FBXO8: variants seen among roughly 807,000 people sequenced by gnomAD.
The protein encoded by FBXO8 is F-box protein 8, also known as F-box only protein 8.
A neutral mutation model predicts 33.4 loss-of-function variants in FBXO8; 15 were observed. The ratio of observed to expected loss-of-function variants is 0.45; its 90% CI spans 0.30 to 0.69. The LOEUF is 0.69. Among genes scored for constraint, FBXO8 ranks in the 30% least tolerant of loss-of-function variants. The pLI is 0.08. For missense variants in FBXO8, 274 were observed against 380.3 expected (o/e 0.72, Z 2.32); for synonymous variants, 132 against 131.5 (o/e 1.00, Z -0.02).
chr4:174,279,505 C>T (rs540751861), intron 1 of FBXO8, among the ~76,000 whole-genome samples: 4 of 152,152 alleles, frequency 2.6e-5, no homozygotes, highest in African/African-American at 7.2e-5. Flanking sequence ...GAAAAAAATT[C>T]TAAAATCCAC....
rs915317520 is a variant in FBXO8, at chr4:174,275,297, C to T, written c.-9+8113G>A. 1.3e-5 allele frequency among the ~76,000 whole-genome samples: 2 copies of T among 152,082 alleles called. No homozygotes were observed. The highest frequency in any genetic ancestry group is 4.8e-5 in the African/African-American group (2 of 41,418). On this transcript the variant is annotated intron_variant, in intron 1 of 5. Transcript: ENST00000393674. The surrounding 1 kb of genome is among the most constrained non-coding windows in gnomAD (Gnocchi z 4.4). Reference sequence around the variant, plus strand: ...ACTATTTACTATCTTGACTATGGTGCTGGATATGTGAACTTGCACAGAACT... The same window carrying T: ...ACTATTTACTATCTTGACTATGGTGTTGGATATGTGAACTTGCACAGAACT...
intron 1 of FBXO8, among the ~76,000 whole-genome samples, chr4:174,273,032 G>A (rs1389799532): frequency 1.3e-5 from 2 of 152,156 alleles, no homozygotes; most frequent in African/African-American, 4.8e-5. Flanking sequence ...TGGGAATGGT[G>A]GCTCATGCCT....
rs1256996276 is a variant in FBXO8 at position 174,263,179 on chromosome 4, T to A, written c.-8-79A>T. The stretch of plus-strand genomic sequence containing the variant: ...TCCCAGTGGTATAACAAATCTGACA[T>A]GAAGCATTCATTTATCAGAATTAAA... On this transcript the variant is annotated intron_variant, in intron 1 of 5. Coordinates refer to ENST00000393674, the MANE Select transcript of FBXO8 (RefSeq NM_012180.3). This position sits in a 1 kb window ranked among gnomAD's most constrained non-coding sequence, Gnocchi z 4.2. 1 of 1,230,548 alleles carries A rather than the reference T, an allele frequency of 8.1e-7. No individual in the cohort carries two copies. Among genetic ancestry groups the A allele is most frequent in the Non-Finnish European group, 1.1e-6 (1 of 885,552 alleles). The allele number at this position is 1,230,548 out of a possible 1,614,324, so 76.2% of individuals were successfully genotyped here. A position where few individuals can be genotyped will look rare whatever the true frequency, so the allele number is the denominator to read the frequency against.
intron 1 of FBXO8, among the ~76,000 whole-genome samples, chr4:174,264,870 T>C (rs928002616): frequency 2.0e-5 from 3 of 148,448 alleles, no homozygotes; most frequent in South Asian, 4.2e-4. Context: ...GCAAAACACA[T>C]ATATGATAAA....
rs569101451 is a variant in FBXO8 at position 174,265,632 on chromosome 4, A to G, written c.-8-2532T>C. On this transcript the variant is annotated intron_variant, in intron 1 of 5. Transcript: ENST00000393674. This position sits in a 1 kb window ranked among gnomAD's most constrained non-coding sequence, Gnocchi z 4.7. ...AAAAAGTTCTTTACTGTATGATTCTAATTATAAGACATTCTGGAAAAGGCA... is the reference window on the plus strand; with the variant it reads ...AAAAAGTTCTTTACTGTATGATTCTGATTATAAGACATTCTGGAAAAGGCA... 6.6e-6 allele frequency among the ~76,000 whole-genome samples: 1 copy of G among 152,174 alleles called. No homozygotes were observed. The highest frequency in any genetic ancestry group is 2.4e-5 in the African/African-American group (1 of 41,460).
rs964927584 is a variant in FBXO8 at position 174,274,812 on chromosome 4, A to C, written c.-9+8598T>G. On this transcript the variant is annotated intron_variant, in intron 1 of 5. Transcript: ENST00000393674. This position sits in a 1 kb window ranked among gnomAD's most constrained non-coding sequence, Gnocchi z 4.0. ...TTTTACAAAAATTAACTCAAAATGG[A>C]CCATAGACTTAAACGTAAAACATAA... Among the ~76,000 whole-genome samples the C allele has an allele frequency of 3.9e-5, 6 of 152,230 alleles. No homozygotes were observed. Among genetic ancestry groups the C allele is most frequent in the South Asian group, 4.1e-4 (2 of 4,834 alleles).
chr4:174,258,749 C>T (rs1327574004), intron 3 of FBXO8, among the ~76,000 whole-genome samples: 4 of 151,808 alleles, frequency 2.6e-5, no homozygotes, highest in Non-Finnish European at 5.9e-5. Context: ...TTTTTATATG[C>T]ATACGTATAA....
At position 174,262,160 on chromosome 4, in the gene FBXO8, A is replaced by G. The variant is rs770717345; in HGVS notation, c.329+604T>C. Reference sequence around the variant, plus strand: ...TGTAATCTAAGTTCAGCAAGTAAATAAAAACAACTATTTGTCCCCTTGCTT... The same window carrying G: ...TGTAATCTAAGTTCAGCAAGTAAATGAAAACAACTATTTGTCCCCTTGCTT... On this transcript the variant is annotated intron_variant, in intron 2 of 5. Transcript: ENST00000393674. This position sits in a 1 kb window ranked among gnomAD's most constrained non-coding sequence, Gnocchi z 4.6. Among the ~76,000 whole-genome samples the G allele has an allele frequency of 2.6e-5, 4 of 152,178 alleles. No homozygotes were observed. Among genetic ancestry groups the G allele is most frequent in the Non-Finnish European group, 4.4e-5 (3 of 68,006 alleles).
rs1197794706 is a variant in FBXO8 at position 174,258,391 on chromosome 4, T to C, written c.456+1308A>G. Among the ~76,000 whole-genome samples, 6 of 152,312 alleles carry C rather than the reference T, an allele frequency of 3.9e-5. No homozygotes were observed. In the South Asian group the frequency reaches 1.0e-3, roughly 26 times the overall value. ...TCCATTTATTTGCCTTTCTGAAGAA[T>C]GATCATTTGATTCTAAAAAGCAATA... On this transcript the variant is annotated intron_variant, in intron 3 of 5. Coordinates refer to ENST00000393674, the MANE Select transcript of FBXO8 (RefSeq NM_012180.3).
chr4:174,244,498 A>T (rs892095462), intron 3 of FBXO8, among the ~76,000 whole-genome samples: 3 of 151,698 alleles, frequency 2.0e-5, no homozygotes, highest in Non-Finnish European at 4.4e-5. Context: ...TAATCTATAC[A>T]CATTTTAACT....
rs1312281734 is a variant in FBXO8 at position 174,257,675 on chromosome 4, T to A, written c.456+2024A>T. On this transcript the variant is annotated intron_variant, in intron 3 of 5. Transcript: ENST00000393674. The surrounding 1 kb of genome is among the most constrained non-coding windows in gnomAD (Gnocchi z 4.3). ...AAAATATATATCTTTATTGTGACTATTATTAAGATCATTGAGACAGGGTCT... is the reference window on the plus strand; with the variant it reads ...AAAATATATATCTTTATTGTGACTAATATTAAGATCATTGAGACAGGGTCT... 6.6e-6 allele frequency among the ~76,000 whole-genome samples: 1 copy of A among 152,096 alleles called. No individual in the cohort carries two copies. The highest frequency in any genetic ancestry group is 2.4e-5 in the African/African-American group (1 of 41,398).
chr4:174,236,699 T>C lies in FBXO8; in HGVS notation c.*713A>G, dbSNP rs771810970. ...TAATATTTTATTTTATTCCTATGAATGTAAATCATAAATTTTGATGTTTTA... is the reference window on the plus strand; with the variant it reads ...TAATATTTTATTTTATTCCTATGAACGTAAATCATAAATTTTGATGTTTTA... On this transcript the variant is annotated 3_prime_UTR_variant, in exon 6 of 6. Coordinates refer to ENST00000393674, the MANE Select transcript of FBXO8 (RefSeq NM_012180.3). 4 of 152,180 alleles carry C rather than the reference T, an allele frequency of 2.6e-5. No individual in the cohort carries two copies. The highest frequency in any genetic ancestry group is 2.6e-4 in the Admixed American group (4 of 15,284). The allele number at this position is 152,180 out of a possible 1,614,324, so 9.4% of individuals were successfully genotyped here.
rs1020055831 is a variant in FBXO8, at chr4:174,259,500, G to A, written c.456+199C>T. Among the ~76,000 whole-genome samples the A allele has an allele frequency of 4.6e-5, 7 of 152,060 alleles. No individual in the cohort carries two copies. Among genetic ancestry groups the A allele is most frequent in the Non-Finnish European group, 8.8e-5 (6 of 67,950 alleles). On this transcript the variant is annotated intron_variant, in intron 3 of 5. Transcript: ENST00000393674. This position sits in a 1 kb window ranked among gnomAD's most constrained non-coding sequence, Gnocchi z 4.3. ...TGCTGCTACATAAAGTGAACAGGTAGAAAGGTTAGAACGTGACATGGTAAG... is the reference window on the plus strand; with the variant it reads ...TGCTGCTACATAAAGTGAACAGGTAAAAAGGTTAGAACGTGACATGGTAAG...
intron 3 of FBXO8, among the ~76,000 whole-genome samples, chr4:174,248,460 GA>G (rs531213808): frequency 2.6e-5 from 4 of 151,984 alleles, no homozygotes; most frequent in Admixed American, 6.6e-5. Flanking sequence ...AGGGGGCAGT[GA>G]AAATTGGGAA....
Position 174,275,630 on chromosome 4 carries a change from G to C in FBXO8, c.-9+7780C>G, listed in dbSNP as rs1736943036. On this transcript the variant is annotated intron_variant, in intron 1 of 5. Coordinates refer to ENST00000393674, the MANE Select transcript of FBXO8 (RefSeq NM_012180.3). The surrounding 1 kb of genome is among the most constrained non-coding windows in gnomAD (Gnocchi z 4.4). Reference sequence around the variant, plus strand: ...TGTATGTAAATGATACCTTAATAAAGATGTTTTATAAAAAGGAATTAGAAA... The same window carrying C: ...TGTATGTAAATGATACCTTAATAAACATGTTTTATAAAAAGGAATTAGAAA... Among the ~76,000 whole-genome samples the C allele has an allele frequency of 6.6e-6, 1 of 152,088 alleles. No individual in the cohort carries two copies. The highest frequency in any genetic ancestry group is 2.4e-5 in the African/African-American group (1 of 41,404).
chr4:174,263,437 T>C lies in FBXO8; in HGVS notation c.-8-337A>G, dbSNP rs1736617663. The stretch of plus-strand genomic sequence containing the variant: ...CTTACAAATTATAATTATGTGGACT[T>C]ATGGGCCAGTATTAAATACAGCTCT... On this transcript the variant is annotated intron_variant, in intron 1 of 5. Transcript: ENST00000393674. This position sits in a 1 kb window ranked among gnomAD's most constrained non-coding sequence, Gnocchi z 4.2. Among the ~76,000 whole-genome samples, 1 of 152,168 alleles carries C rather than the reference T, an allele frequency of 6.6e-6. No individual in the cohort carries two copies. The highest frequency in any genetic ancestry group is 1.5e-5 in the Non-Finnish European group (1 of 68,018).
intron 3 of FBXO8, among the ~76,000 whole-genome samples, chr4:174,244,555 A>T (rs899678747): frequency 6.6e-6 from 1 of 151,640 alleles, no homozygotes; most frequent in African/African-American, 2.4e-5. Context: ...AAATTGTTGC[A>T]GTCATAATGT....
intron 3 of FBXO8, among the ~76,000 whole-genome samples, chr4:174,243,240 T>C (rs185737739): frequency 2.0e-5 from 3 of 151,430 alleles, no homozygotes; most frequent in African/African-American, 7.2e-5. Flanking sequence ...ATCAAATACA[T>C]AGAAGCAGTC....
In FBXO8 at chr4:174,272,528, T is replaced by C. The variant is rs1205084829; in HGVS notation, c.-8-9428A>G. Among the ~76,000 whole-genome samples the C allele has an allele frequency of 1.3e-5, 2 of 151,806 alleles. No homozygotes were observed. The highest frequency in any genetic ancestry group is 6.6e-5 in the Admixed American group (1 of 15,250). Reference sequence around the variant, plus strand: ...AGGACCAACTGTATAATCCATTACATAAAAAAAGAATCTGTGAGTCTACAC... The same window carrying C: ...AGGACCAACTGTATAATCCATTACACAAAAAAAGAATCTGTGAGTCTACAC... On this transcript the variant is annotated intron_variant, in intron 1 of 5. Transcript: ENST00000393674. This position sits in a 1 kb window ranked among gnomAD's most constrained non-coding sequence, Gnocchi z 4.7.
Sources: gnomAD v4.1 joint callset for allele counts (sites outside exome capture counted in the v4.1 genomes callset) on GRCh38, gnomAD v4.1.1 for gene constraint, Gnocchi (gnomAD v3.1) non-coding constraint, MANE v1.5 for transcripts, NCBI Gene and HGNC (gene_info 2026-07-23, HGNC 2026-07-21) for gene names.